The following CRHR2 variants were observed in gnomAD, a reference collection of about 807,000 sequenced individuals.
CRHR2 encodes the protein corticotropin releasing hormone receptor 2.
Under a neutral mutation model 57.9 loss-of-function variants are expected in CRHR2, and 53 were observed. That is an observed-to-expected ratio of 0.92 (90% CI 0.73 to 1.15). The LOEUF is 1.15. Among genes scored for constraint, CRHR2 ranks in the 50% most tolerant of loss-of-function variants. The probability of loss-of-function intolerance (pLI) is 0.00; values close to 1 mark genes in which losing one functional copy is unlikely to be tolerated. For synonymous variants in CRHR2, 213 were observed against 220.9 expected (o/e 0.96, Z 0.32); for missense variants, 532 against 542.6 (o/e 0.98, Z 0.19).
At chr7:30,685,349 C>A (rs1784834166), upstream of CRHR2, among the ~76,000 whole-genome samples, 1 of 152,232 alleles carries the variant, frequency 6.6e-6, no homozygotes, top group Admixed American at 6.5e-5. Flanking sequence ...CCCTACCACT[C>A]AAATGTCAGC....
Position 30,652,151 on chromosome 7 carries a change from T to C in CRHR2, c.*1309A>G, listed in dbSNP as rs1387541026. On this transcript the variant is annotated 3_prime_UTR_variant, in exon 12 of 12. Coordinates refer to ENST00000471646, the MANE Select transcript of CRHR2 (RefSeq NM_001883.5). This position sits in a 1 kb window ranked among gnomAD's most constrained non-coding sequence, Gnocchi z 4.4. ...TCTTTTGGAAGAAATGGCCTGATGCTTCTCTCTCCCTGACTCCTGCGGCTC... is the reference window on the plus strand; with the variant it reads ...TCTTTTGGAAGAAATGGCCTGATGCCTCTCTCTCCCTGACTCCTGCGGCTC... The C allele has an allele frequency of 6.6e-6, 1 of 152,246 alleles. No individual in the cohort carries two copies. The highest frequency in any genetic ancestry group is 2.4e-5 in the African/African-American group (1 of 41,468). The allele number at this position is 152,246 out of a possible 1,614,324, so 9.4% of individuals were successfully genotyped here. A position where few individuals can be genotyped will look rare whatever the true frequency, so the allele number is the denominator to read the frequency against.
intron 8 of CRHR2, among the ~76,000 whole-genome samples, chr7:30,658,350 A>G (rs1013667404): frequency 6.6e-6 from 1 of 151,450 alleles, no homozygotes; most frequent in African/African-American, 2.4e-5. Flanking sequence ...ACCATGTGTC[A>G]GGCTCTGAGC....
chr7:30,663,940 T>G (rs1212813107), intron 5 of CRHR2, among the ~76,000 whole-genome samples: 1 of 152,248 alleles, frequency 6.6e-6, no homozygotes, highest in Admixed American at 6.5e-5. Flanking sequence ...TGTGCTGAGC[T>G]GTTGGCTGCT....
Position 30,662,733 on chromosome 7 carries a change from C to G in CRHR2, c.658G>C (p.Glu220Gln), listed in dbSNP as rs549129621. The change falls in exon 6 of 12, where the codon GAG (glutamate) becomes CAG (glutamine). Residue 220 changes from glutamate (E) to glutamine (Q), a missense_variant. Transcript: ENST00000471646. The part of the protein sequence containing the change: ...HTAIVMTYST[E>Q]RLRKCLFLFI... ...AGGAAGAGGCACTTGCGCAGGCGCT[C>G]AGTGGAGTAGGTCATGACAATGGCC... The G allele has an allele frequency of 1.2e-6, 2 of 1,614,186 alleles. No individual in the cohort carries two copies. Among genetic ancestry groups the G allele is most frequent in the East Asian group, 2.2e-5 (1 of 44,882 alleles).
intron 2 of CRHR2, among the ~76,000 whole-genome samples, chr7:30,674,375 G>A (rs1469299290): frequency 2.0e-5 from 3 of 152,268 alleles, no homozygotes; most frequent in African/African-American, 7.2e-5. Flanking sequence ...TCGCCATGAC[G>A]CCAGCCTGTG....
At chr7:30,683,882 C>T (rs553870016), upstream of CRHR2, among the ~76,000 whole-genome samples, 2 of 152,340 alleles carry the variant, frequency 1.3e-5, no homozygotes, top group East Asian at 3.9e-4. Context: ...CATGAACTAG[C>T]ACCATGCCCT....
chr7:30,653,590 G>T lies in CRHR2; in HGVS notation c.1106C>A (p.Ala369Asp). The T allele has an allele frequency of 1.2e-6, 2 of 1,610,670 alleles. No individual in the cohort carries two copies. Among genetic ancestry groups the T allele is most frequent in the Non-Finnish European group, 8.5e-7 (1 of 1,179,508 alleles). ...CCAGCGGTGCCACCTCTTCCTCACG[G>T]CTGAGCGCACCTGTGGGGAAGGCAG... is the stretch of plus-strand genomic sequence containing the variant. ...YCFFNGEVRS[A>D]VRKRWHRWQD... The change falls in exon 12 of 12, where the codon GCC (alanine) becomes GAC (aspartate). Residue 369 changes from alanine to aspartate, a missense_variant. By Grantham distance (126) the Ala-to-Asp change is moderately radical. Coordinates refer to ENST00000471646, the MANE Select transcript of CRHR2 (RefSeq NM_001883.5). This position sits in a 1 kb window ranked among gnomAD's most constrained non-coding sequence, Gnocchi z 5.0.
intron 5 of CRHR2, 87 bp downstream of exon 5, chr7:30,664,983 G>C: frequency 9.6e-7 from 1 of 1,041,626 alleles, no homozygotes; most frequent in Non-Finnish European, 1.5e-6. Context: ...ACAAAGGAGG[G>C]GTCCAAGCAG....
chr7:30,672,090 C>T (rs1303297108), intron 2 of CRHR2, among the ~76,000 whole-genome samples: 1 of 152,218 alleles, frequency 6.6e-6, no homozygotes, highest in Non-Finnish European at 1.5e-5. Context: ...CCTCGGAGAG[C>T]TCCTAAGAAC....
chr7:30,662,200 G>A lies in CRHR2; in HGVS notation c.714C>T (p.Ile238=). The A allele has an allele frequency of 6.2e-7, 1 of 1,614,184 alleles. No individual in the cohort carries two copies. Among genetic ancestry groups the A allele is most frequent in the Non-Finnish European group, 8.5e-7 (1 of 1,180,034 alleles). Residue 238 remains isoleucine, a synonymous_variant, in exon 7 of 12, where the codon ATC becomes ATT. Transcript: ENST00000471646. ...GCTTGCCGATGGCCCAGGCGACGAT[G>A]ATGGGGAAGGGGATGCCTGAAAGAA... ...LFIGWCIPFP[I]IVAWAIGKLY...
At chr7:30,680,862 G>GTAT (rs1784677454) in intron 2 of CRHR2, among the ~76,000 whole-genome samples, 1 of 151,152 alleles carries the variant, frequency 6.6e-6, no homozygotes, top group African/African-American at 2.4e-5. Context: ...GTGTATGTGT[G>GTAT]GTGGAGGTGG....
Position 30,662,142 on chromosome 7 carries a change from G to GC in CRHR2, c.758+13dup. The GC allele has an allele frequency of 6.2e-7, 1 of 1,613,720 alleles. No homozygotes were observed. Among genetic ancestry groups the GC allele is most frequent in the Non-Finnish European group, 8.5e-7 (1 of 1,179,820 alleles). On this transcript the variant is annotated intron_variant, in intron 7 of 11. Coordinates refer to ENST00000471646, the MANE Select transcript of CRHR2 (RefSeq NM_001883.5). The stretch of plus-strand genomic sequence containing the variant: ...CCTTCCCCATGACCCCCCATGGCTG[G>GC]CCCATCCACTTACTGTTCATTCTCA...
At chr7:30,655,394 G>A (rs1381194134) in intron 10 of CRHR2, among the ~76,000 whole-genome samples, 186 bp downstream of exon 10, 1 of 152,212 alleles carries the variant, frequency 6.6e-6, no homozygotes, top group Non-Finnish European at 1.5e-5. Context: ...CTGGTAGGAT[G>A]AAGACCCAGG....
At chr7:30,654,598 G>T (rs965724353) in intron 11 of CRHR2, 16 of 1,335,626 alleles carry the variant, frequency 1.2e-5, no homozygotes, top group Non-Finnish European at 1.6e-5. Context: ...CTTCACGGCC[G>T]CCTGACTCCC....
chr7:30,695,992 G>T (rs1785049245), intron 1 of CRHR2, among the ~76,000 whole-genome samples: 1 of 152,172 alleles, frequency 6.6e-6, no homozygotes, highest in African/African-American at 2.4e-5. Flanking sequence ...AATAAAATAA[G>T]CTTATTGAAT....
rs947949622 is a variant in CRHR2 at position 30,655,603 on chromosome 7, T to C, written c.1030A>G (p.Asn344Asp). 58 of 1,613,700 alleles carry C rather than the reference T, an allele frequency of 3.6e-5. No individual in the cohort carries two copies. Among genetic ancestry groups the C allele is most frequent in the Non-Finnish European group, 4.7e-5 (56 of 1,179,860 alleles). The change falls in exon 10 of 12, where the codon AAC becomes GAC. Residue 344 changes from asparagine (N) to aspartate (D), a missense_variant. By Grantham distance (23) the Asn-to-Asp change is conservative. Coordinates refer to ENST00000471646, the MANE Select transcript of CRHR2 (RefSeq NM_001883.5). ...DLSQIMFIYF[N>D]SFLQSFQGFF... is the part of the protein sequence containing the mutation. ...ACCTGGAACGACTGCAGGAAGGAGT[T>C]GAAATAGATGAACATGATCTGTGAC...
intron 7 of CRHR2, among the ~76,000 whole-genome samples, chr7:30,660,912 T>C (rs1783973380): frequency 6.6e-6 from 1 of 152,224 alleles, no homozygotes; most frequent in Non-Finnish European, 1.5e-5. Context: ...ACCTGCCCCA[T>C]TGCAGACTGC....
At chr7:30,694,690 T>A (rs760954720) in intron 1 of CRHR2, among the ~76,000 whole-genome samples, 9 of 152,054 alleles carry the variant, frequency 5.9e-5, no homozygotes, top group Non-Finnish European at 8.8e-5. Context: ...CCACCCCATG[T>A]TTGCTTTCAT....
At chr7:30,696,723 CAA>C (rs1785064334) in intron 1 of CRHR2, among the ~76,000 whole-genome samples, 1 of 151,256 alleles carries the variant, frequency 6.6e-6, no homozygotes, top group African/African-American at 2.4e-5. Context: ...GACTCCATCT[CAA>C]AAAAATAAAA....
Sources: allele counts gnomAD v4.1 joint callset (sites outside exome capture counted in the v4.1 genomes callset), GRCh38; gene constraint gnomAD v4.1.1; non-coding constraint Gnocchi (gnomAD v3.1); transcripts MANE v1.5; gene names NCBI Gene and HGNC (gene_info 2026-07-23, HGNC 2026-07-21).